The following OLA1 variants were observed in gnomAD, a reference collection of about 807,000 sequenced individuals.
The protein encoded by OLA1 is Obg like ATPase 1.
Under a neutral mutation model 48.4 loss-of-function variants are expected in OLA1, and 14 were observed. The observed-to-expected ratio is 0.29, with a 90% confidence interval of 0.19 to 0.45. The LOEUF (loss-of-function observed/expected upper bound fraction) is 0.45. Among genes scored for constraint, OLA1 ranks in the 20% least tolerant of loss-of-function variants. OLA1 has a pLI of 1.00. For missense variants in OLA1, 325 were observed against 467.1 expected (o/e 0.70, Z 2.80); for synonymous variants, 127 against 150.4 (o/e 0.84, Z 1.14).
chr2:174,168,397 A>C (rs199648785), intron 4 of OLA1, among the ~76,000 whole-genome samples: 12 of 149,124 alleles, frequency 8.0e-5, no homozygotes, highest in South Asian at 6.5e-4. Flanking sequence ...CCAAAAAAAA[A>C]CAAAACAAAC....
chr2:174,163,714 ATATATATATATATATATATATAT>A (rs1558984407), intron 4 of OLA1, among the ~76,000 whole-genome samples: 14 of 16,858 alleles, frequency 8.3e-4, no homozygotes, highest in African/African-American at 4.1e-3. Flanking sequence ...ATAAATAAAT[ATATATATATATATATATATATAT>A]ATATATATAT....
rs554199321 is a variant in OLA1 at position 174,175,567 on chromosome 2, T to C, written c.374-33567A>G. ...TGCCTAAACTAGAAACAATTGACAA[T>C]ATCAAGTGCTAGAAAGGATGTGGAG... On this transcript the variant is annotated intron_variant, in intron 4 of 10. Transcript: ENST00000284719. Among the ~76,000 whole-genome samples, 20 of 152,064 alleles carry C rather than the reference T, an allele frequency of 1.3e-4. 1 individual carries two copies. In the South Asian group the frequency reaches 3.5e-3, roughly 27 times the overall value.
At chr2:174,132,268 T>C (rs1423979351) in intron 5 of OLA1, among the ~76,000 whole-genome samples, 1 of 152,090 alleles carries the variant, frequency 6.6e-6, no homozygotes, top group Non-Finnish European at 1.5e-5. Context: ...TAAGAATTTA[T>C]ATTTTACTAG....
intron 4 of OLA1, among the ~76,000 whole-genome samples, chr2:174,157,705 T>C (rs1395210101): frequency 6.6e-6 from 1 of 152,182 alleles, no homozygotes; most frequent in African/African-American, 2.4e-5. Context: ...CTATCTAATT[T>C]TTCTAAGATA....
chr2:174,189,037 C>T (rs1033406856), intron 4 of OLA1, among the ~76,000 whole-genome samples: 1 of 152,044 alleles, frequency 6.6e-6, no homozygotes, highest in South Asian at 2.1e-4. Context: ...ATAGGAAGAT[C>T]TGAAATGGCC....
chr2:174,087,704 T>C (rs1241760110), intron 7 of OLA1, among the ~76,000 whole-genome samples: 1 of 152,114 alleles, frequency 6.6e-6, no homozygotes, highest in Non-Finnish European at 1.5e-5. Context: ...AACCCTGAAA[T>C]AGTTTTCTCC....
At chr2:174,178,116 C>T (rs1326213452) in intron 4 of OLA1, among the ~76,000 whole-genome samples, 1 of 151,912 alleles carries the variant, frequency 6.6e-6, no homozygotes, top group African/African-American at 2.4e-5. Context: ...TTTATCCAAA[C>T]TCTTTTTATA....
intron 7 of OLA1, among the ~76,000 whole-genome samples, chr2:174,113,173 G>A (rs897908559): frequency 1.3e-5 from 2 of 152,128 alleles, no homozygotes; most frequent in African/African-American, 4.8e-5. Context: ...TCAAACTCCT[G>A]ACCTCAGGTG....
chr2:174,144,945 A>ATATATATATAT (rs1307616947), intron 4 of OLA1, among the ~76,000 whole-genome samples: 24 of 68,246 alleles, frequency 3.5e-4, no homozygotes, highest in African/African-American at 7.4e-4. Context: ...AAAAAAAAAA[A>ATATATATATAT]AAAAAAATAT....
intron 5 of OLA1, among the ~76,000 whole-genome samples, chr2:174,137,220 A>C (rs1199750172): frequency 2.6e-5 from 4 of 152,210 alleles, no homozygotes; most frequent in Non-Finnish European, 5.9e-5. Flanking sequence ...ATGATCAGGT[A>C]CTTTGTCAAT....
At chr2:174,154,051 A>G (rs563518132) in intron 4 of OLA1, among the ~76,000 whole-genome samples, 1 of 152,050 alleles carries the variant, frequency 6.6e-6, no homozygotes, top group Admixed American at 6.6e-5. Flanking sequence ...GTTTGTTTTC[A>G]GTAGACATGA....
intron 4 of OLA1, among the ~76,000 whole-genome samples, chr2:174,211,787 T>A (rs1004666579): frequency 6.6e-6 from 1 of 152,212 alleles, no homozygotes; most frequent in Non-Finnish European, 1.5e-5. Flanking sequence ...TTAAGTACCA[T>A]TAAGTTATTA....
intron 4 of OLA1, among the ~76,000 whole-genome samples, chr2:174,202,607 C>T (rs1208371295): frequency 2.0e-5 from 3 of 152,056 alleles, no homozygotes; most frequent in Non-Finnish European, 2.9e-5. Context: ...GACTTGACAA[C>T]GAAATGTTGA....
chr2:174,140,994 C>T (rs544758212), intron 5 of OLA1, among the ~76,000 whole-genome samples: 8 of 152,018 alleles, frequency 5.3e-5, no homozygotes, highest in Non-Finnish European at 1.0e-4. Flanking sequence ...TGCAATGGCA[C>T]GATCTTGGCT....
At chr2:174,078,101 C>T (rs981371061) in intron 10 of OLA1, among the ~76,000 whole-genome samples, 4 of 151,952 alleles carry the variant, frequency 2.6e-5, no homozygotes, top group African/African-American at 9.7e-5. Flanking sequence ...TATTAAAGTC[C>T]TGCTGTTCGG....
At chr2:174,237,475 C>T (rs1688885804) in intron 2 of OLA1, among the ~76,000 whole-genome samples, 1 of 152,044 alleles carries the variant, frequency 6.6e-6, no homozygotes, top group Admixed American at 6.6e-5. Context: ...ATAGGCTGGG[C>T]ATGGAGGCTA....
intron 3 of OLA1, among the ~76,000 whole-genome samples, chr2:174,226,299 A>C (rs1188137696): frequency 2.0e-5 from 3 of 152,182 alleles, no homozygotes; most frequent in Admixed American, 2.0e-4. Flanking sequence ...CAAAAAATTA[A>C]AACTTGAGAT....
At chr2:174,216,140 AC>A (rs992503500) in intron 4 of OLA1, among the ~76,000 whole-genome samples, 45 of 151,962 alleles carry the variant, frequency 3.0e-4, no homozygotes, top group African/African-American at 8.7e-4. Context: ...ACAAAAAAAA[AC>A]ATATATATAT....
chr2:174,234,902 T>C (rs1455430640), intron 2 of OLA1, among the ~76,000 whole-genome samples: 1 of 152,250 alleles, frequency 6.6e-6, no homozygotes, highest in Non-Finnish European at 1.5e-5. Context: ...CCCAAGCCTG[T>C]AATCCCAGCA....
Sources: allele counts gnomAD v4.1 joint callset (sites outside exome capture counted in the v4.1 genomes callset), GRCh38; gene constraint gnomAD v4.1.1; transcripts MANE v1.5; gene names NCBI Gene and HGNC (gene_info 2026-07-23, HGNC 2026-07-21).